The following BANK1 variants were observed in gnomAD, a reference collection of about 807,000 sequenced individuals.
BANK1 encodes the protein B cell scaffold protein with ankyrin repeats 1, also known as B-cell scaffold protein with ankyrin repeats.
In BANK1, 95 loss-of-function variants were observed where a neutral mutation model predicts 94.5. That is an observed-to-expected ratio of 1.00 (90% CI 0.85 to 1.19). BANK1 has a LOEUF of 1.19. BANK1 is among the 50% of genes most tolerant of loss of function. The pLI, the probability that BANK1 is intolerant of heterozygous loss-of-function variation, is 0.00. For missense variants in BANK1, 987 were observed against 932.2 expected (o/e 1.06, Z -0.77); for synonymous variants, 334 against 308.4 (o/e 1.08, Z -0.87).
chr4:102,007,110 TA>T (rs1170739147), intron 7 of BANK1, among the ~76,000 whole-genome samples: 568 of 55,754 alleles, frequency 0.01, 22 homozygotes, highest in East Asian at 0.076. Context: ...TATATATATA[TA>T]AATATATATT....
chr4:101,875,253 T>A (rs1728445933), intron 5 of BANK1, among the ~76,000 whole-genome samples: 1 of 152,126 alleles, frequency 6.6e-6, no homozygotes, highest in Non-Finnish European at 1.5e-5. Context: ...ACAGCAATTA[T>A]GAGGCATTGA....
intron 6 of BANK1, among the ~76,000 whole-genome samples, chr4:101,898,562 C>T (rs1722168666): frequency 6.6e-6 from 1 of 151,932 alleles, no homozygotes; most frequent in African/African-American, 2.4e-5. Context: ...AGAACATAAT[C>T]ATAAGGAATT....
At chr4:101,995,540 G>A (rs1440551288) in intron 7 of BANK1, among the ~76,000 whole-genome samples, 1 of 152,122 alleles carries the variant, frequency 6.6e-6, no homozygotes, top group Non-Finnish European at 1.5e-5. Flanking sequence ...CACAATGGTT[G>A]AACTAGTTTA....
At chr4:102,023,552 GTC>G (rs1002324277) in intron 8 of BANK1, among the ~76,000 whole-genome samples, 14 of 152,172 alleles carry the variant, frequency 9.2e-5, no homozygotes, top group South Asian at 2.1e-4. Flanking sequence ...GCTCAAGCCA[GTC>G]TCTTTCATGA....
intron 7 of BANK1, among the ~76,000 whole-genome samples, chr4:101,922,750 T>C (rs963164387): frequency 2.0e-5 from 3 of 151,908 alleles, no homozygotes; most frequent in African/African-American, 7.2e-5. Flanking sequence ...ATATTGATGT[T>C]CTGTTCTGTT....
At chr4:101,832,446 G>T (rs1333637230) in intron 2 of BANK1, among the ~76,000 whole-genome samples, 1 of 151,984 alleles carries the variant, frequency 6.6e-6, no homozygotes, top group Non-Finnish European at 1.5e-5. Flanking sequence ...TCTTTAGTCT[G>T]CACTGCACTC....
intron 2 of BANK1, among the ~76,000 whole-genome samples, chr4:101,843,094 T>G (rs1727116859): frequency 1.3e-5 from 2 of 152,216 alleles, no homozygotes; most frequent in South Asian, 4.1e-4. Context: ...CATTTTCTTT[T>G]TCATACAGAA....
chr4:101,829,316 G>C (rs546261791), intron 1 of BANK1, among the ~76,000 whole-genome samples: 2 of 151,718 alleles, frequency 1.3e-5, no homozygotes, highest in Admixed American at 6.6e-5. Flanking sequence ...TCTCTTCTAC[G>C]TCAGGCTTTT....
intron 13 of BANK1, 118 bp from the exon 14 acceptor site, chr4:102,071,157 G>A (rs1728746290): frequency 8.6e-7 from 1 of 1,167,658 alleles, no homozygotes; most frequent in Admixed American, 1.9e-5. Flanking sequence ...ATCAGAATGT[G>A]AGATTTCATA....
Position 101,917,147 on chromosome 4 carries a change from G to A in BANK1, c.1010-846G>A, listed in dbSNP as rs1051731090. Among the ~76,000 whole-genome samples the A allele has an allele frequency of 7.2e-5, 11 of 151,988 alleles. No homozygotes were observed. The East Asian group carries it at 2.1e-3, about 29-fold the overall frequency. On this transcript the variant is annotated intron_variant, in intron 6 of 16. Coordinates refer to ENST00000322953, the MANE Select transcript of BANK1 (RefSeq NM_017935.5). ...TGCTTTAAAAGTTTGCTGGAAGACA[G>A]TTGACTTTGGTTTTGATTCCTTTGA... is the stretch of plus-strand genomic sequence containing the variant.
rs970429452 is a variant in BANK1, at chr4:101,942,671, G to T, written c.1206+24482G>T. 4.6e-5 allele frequency among the ~76,000 whole-genome samples: 7 copies of T among 151,828 alleles called. No individual in the cohort carries two copies. The South Asian group carries it at 1.5e-3, about 31-fold the overall frequency. ...CATAAAATTATATAATTTAGGGTCA[G>T]TGTCAATGTAAAATCAGACTTTGTA... On this transcript the variant is annotated intron_variant, in intron 7 of 16. Transcript: ENST00000322953.
intron 7 of BANK1, among the ~76,000 whole-genome samples, chr4:101,941,468 A>G (rs944233131): frequency 6.6e-6 from 1 of 151,838 alleles, no homozygotes; most frequent in Non-Finnish European, 1.5e-5. Flanking sequence ...GGTCAACCTC[A>G]GGCTTACTGG....
intron 7 of BANK1, among the ~76,000 whole-genome samples, chr4:102,010,927 T>A (rs1051366197): frequency 9.2e-5 from 14 of 152,196 alleles, no homozygotes; most frequent in African/African-American, 1.4e-4. Context: ...TAGTAGAGTA[T>A]GATAAGAAAC....
chr4:101,932,061 A>G (rs1352404601), intron 7 of BANK1, among the ~76,000 whole-genome samples: 1 of 151,570 alleles, frequency 6.6e-6, no homozygotes, highest in Admixed American at 6.6e-5. Context: ...GTATTTTAAG[A>G]AAGTAAAGGG....
In BANK1 at chr4:101,918,040, T is replaced by A; in HGVS notation, c.1057T>A (p.Phe353Ile). The change falls in exon 7 of 17, where the codon TTT (phenylalanine) becomes ATT (isoleucine). Residue 353 changes from phenylalanine to isoleucine, a missense_variant. Physicochemically the swap from Phe to Ile is conservative, Grantham distance 21. Transcript: ENST00000322953. ...LPTLLHCAAK[F>I]GLKNLAIHLL... ...AACTCTTCTCCACTGTGCAGCAAAA[T>A]TTGGCTTAAAGAACCTGGCTATTCA... 1 of 1,611,536 alleles carries A rather than the reference T, an allele frequency of 6.2e-7. No individual in the cohort carries two copies. Among genetic ancestry groups the A allele is most frequent in the Non-Finnish European group, 8.5e-7 (1 of 1,178,308 alleles).
At chr4:102,030,791 A>T (rs1727280067) in intron 10 of BANK1, among the ~76,000 whole-genome samples, 1 of 152,138 alleles carries the variant, frequency 6.6e-6, no homozygotes, top group Admixed American at 6.6e-5. Context: ...ATGGCTGCAT[A>T]GTATTCCATG....
chr4:101,909,299 A>C (rs1360636464), intron 6 of BANK1, among the ~76,000 whole-genome samples: 1 of 152,152 alleles, frequency 6.6e-6, no homozygotes, highest in Non-Finnish European at 1.5e-5. Flanking sequence ...AGGGCAAAAA[A>C]CCAAACACTG....
intron 1 of BANK1, among the ~76,000 whole-genome samples, chr4:101,794,460 C>T (rs1578320818): frequency 6.6e-6 from 1 of 152,060 alleles, no homozygotes; most frequent in African/African-American, 2.4e-5. Context: ...TTACTGCTTT[C>T]TTCATAGAAT....
chr4:101,857,169 C>T (rs538340492), intron 3 of BANK1, among the ~76,000 whole-genome samples: 20 of 152,282 alleles, frequency 1.3e-4, no homozygotes, highest in African/African-American at 4.8e-4. Flanking sequence ...CTTAAGATTA[C>T]TGCCTTAAGG....
Sources: gnomAD v4.1 joint callset for allele counts (sites outside exome capture counted in the v4.1 genomes callset) on GRCh38, gnomAD v4.1.1 for gene constraint, MANE v1.5 for transcripts, NCBI Gene and HGNC (gene_info 2026-07-23, HGNC 2026-07-21) for gene names.